The following DPH6 variants were observed in gnomAD, a reference collection of about 807,000 sequenced individuals.
The protein encoded by DPH6 is diphthine--ammonia ligase.
Under a neutral mutation model 38.2 loss-of-function variants are expected in DPH6, and 33 were observed. The ratio of observed to expected loss-of-function variants is 0.86; its 90% CI spans 0.65 to 1.15. The LOEUF is 1.15. Ranked by LOEUF, DPH6 falls within the 50% of genes most tolerant of loss-of-function variation. DPH6 has a pLI of 0.00. For missense variants in DPH6, 325 were observed against 320.0 expected (o/e 1.02, Z -0.12); for synonymous variants, 108 against 103.0 (o/e 1.05, Z -0.30).
At position 35,496,090 on chromosome 15, in the gene DPH6, G is replaced by T. The variant is rs578241217; in HGVS notation, c.313-41270C>A. On this transcript the variant is annotated intron_variant, in intron 3 of 8. Coordinates refer to ENST00000256538, the MANE Select transcript of DPH6 (RefSeq NM_080650.4). ...TGTAAGTAAACAATAGCTTCTAAAA[G>T]ATAGTACAGGAGAGTATCTTCATGA... Among the ~76,000 whole-genome samples, 7 of 152,264 alleles carry T rather than the reference G, an allele frequency of 4.6e-5. No homozygotes were observed. The East Asian group carries it at 1.4e-3, about 29-fold the overall frequency.
At chr15:35,233,075 C>T (rs1318064414) in intron 3 of DPH6, among the ~76,000 whole-genome samples, 3 of 151,972 alleles carry the variant, frequency 2.0e-5, no homozygotes, top group East Asian at 1.9e-4. Flanking sequence ...TGGGAGGCTG[C>T]GGTGGGGGGA....
At chr15:35,328,482 G>A (rs1033169907), downstream of DPH6, among the ~76,000 whole-genome samples, 1 of 152,062 alleles carries the variant, frequency 6.6e-6, no homozygotes, top group African/African-American at 2.4e-5. Context: ...AACTAGCATA[G>A]TACTTGACAC....
intron 3 of DPH6, among the ~76,000 whole-genome samples, chr15:35,532,029 C>T (rs2055095577): frequency 6.6e-6 from 1 of 152,052 alleles, no homozygotes; most frequent in South Asian, 2.1e-4. Flanking sequence ...GCAGGTTTCA[C>T]AAAAGAATAT....
chr15:35,484,674 T>C (rs1469816855), intron 3 of DPH6, among the ~76,000 whole-genome samples: 1 of 152,150 alleles, frequency 6.6e-6, no homozygotes, highest in Non-Finnish European at 1.5e-5. Context: ...CACTTTTTTG[T>C]AACCTAATCT....
chr15:35,305,231 CA>C, intron 3 of DPH6, among the ~76,000 whole-genome samples: 1 of 152,174 alleles, frequency 6.6e-6, no homozygotes, highest in Middle Eastern at 3.4e-3. Flanking sequence ...AAAGGGCACA[CA>C]GTAACTCTTT....
At chr15:35,365,545 C>T (rs541648913) in intron 3 of DPH6, among the ~76,000 whole-genome samples, 6 of 152,134 alleles carry the variant, frequency 3.9e-5, no homozygotes, top group African/African-American at 1.4e-4. Context: ...AATTGGTTAG[C>T]ATAACAACTA....
intron 3 of DPH6, among the ~76,000 whole-genome samples, chr15:35,364,974 C>T (rs892409167): frequency 2.0e-5 from 3 of 152,022 alleles, no homozygotes; most frequent in African/African-American, 7.2e-5. Context: ...TGTTTCTCTT[C>T]ATGTTTCATT....
chr15:35,521,388 C>T (rs2054921392), intron 3 of DPH6: 1 of 1,067,992 alleles, frequency 9.4e-7, no homozygotes, highest in East Asian at 6.1e-5. Context: ...ACTATATCAT[C>T]TAAAGAATCT....
At chr15:35,281,234 C>A (rs1198011382) in intron 3 of DPH6, among the ~76,000 whole-genome samples, 1 of 152,142 alleles carries the variant, frequency 6.6e-6, no homozygotes, top group African/African-American at 2.4e-5. Context: ...CTCCCTCAAG[C>A]AAACTCTTAT....
At chr15:35,478,557 TA>T (rs1431181494) in intron 3 of DPH6, among the ~76,000 whole-genome samples, 1 of 151,904 alleles carries the variant, frequency 6.6e-6, no homozygotes, top group Admixed American at 6.6e-5. Flanking sequence ...ATTTAATGGT[TA>T]AGAGAAGGTA....
At chr15:35,178,554 T>C in the DPH6 span, among the ~76,000 whole-genome samples, 1 of 152,154 alleles carries the variant, frequency 6.6e-6, no homozygotes, top group Admixed American at 6.6e-5. Flanking sequence ...ATGGGAATTA[T>C]GGGAGCAACA....
At chr15:35,539,988 C>T (rs901135534) in intron 2 of DPH6, among the ~76,000 whole-genome samples, 3 of 152,002 alleles carry the variant, frequency 2.0e-5, no homozygotes, top group Non-Finnish European at 2.9e-5. Context: ...GGCCTTCTCT[C>T]GTCTCAAAAT....
intron 3 of DPH6, among the ~76,000 whole-genome samples, chr15:35,257,600 T>A (rs1482938476): frequency 6.6e-6 from 1 of 152,028 alleles, no homozygotes; most frequent in African/African-American, 2.4e-5. Context: ...GAAATGGGGA[T>A]TTTTTGTGGA....
chr15:35,301,820 A>C (rs2052056239), intron 3 of DPH6, among the ~76,000 whole-genome samples: 1 of 152,002 alleles, frequency 6.6e-6, no homozygotes, highest in Non-Finnish European at 1.5e-5. Flanking sequence ...CAAAAATATA[A>C]AAAATTAGCT....
intron 1 of DPH6, among the ~76,000 whole-genome samples, chr15:35,543,252 T>A (rs1016649180): frequency 8.7e-5 from 10 of 114,768 alleles, no homozygotes; most frequent in Non-Finnish European, 1.6e-4. Context: ...AGTACACACA[T>A]ACACATAATA....
At chr15:35,417,449 CAATAAAATATATTTCTCA>C (rs1458960880) in intron 5 of DPH6, among the ~76,000 whole-genome samples, 8 of 151,814 alleles carry the variant, frequency 5.3e-5, no homozygotes, top group Non-Finnish European at 4.4e-5. Flanking sequence ...ATATTAGCAT[CAATAAAATATATTTCTCA>C]ATAGACTTAC....
chr15:35,197,753 T>G, the DPH6 span, among the ~76,000 whole-genome samples: 1 of 152,202 alleles, frequency 6.6e-6, no homozygotes, highest in Non-Finnish European at 1.5e-5. Context: ...GTCTGAGAAA[T>G]AGCCACATAA....
At chr15:35,239,999 C>T (rs1437001647) in intron 3 of DPH6, among the ~76,000 whole-genome samples, 3 of 142,678 alleles carry the variant, frequency 2.1e-5, no homozygotes, top group Non-Finnish European at 4.6e-5. Flanking sequence ...ACCCCTTCTC[C>T]GTGTCTCTAC....
At chr15:35,342,287 C>T (rs377544545) in intron 3 of DPH6, among the ~76,000 whole-genome samples, 17 of 152,290 alleles carry the variant, frequency 1.1e-4, no homozygotes, top group South Asian at 4.1e-4. Flanking sequence ...GTGTATCAGA[C>T]GCAAGTCTCT....
Sources: gnomAD v4.1 joint callset for allele counts (sites outside exome capture counted in the v4.1 genomes callset) on GRCh38, gnomAD v4.1.1 for gene constraint, MANE v1.5 for transcripts, NCBI Gene and HGNC (gene_info 2026-07-23, HGNC 2026-07-21) for gene names.